Variants in HIPK1 observed in about 807,000 individuals in gnomAD.
The protein encoded by HIPK1 is homeodomain interacting protein kinase 1.
A neutral mutation model predicts 117.1 loss-of-function variants in HIPK1; 28 were observed. The observed-to-expected ratio is 0.24, with a 90% CI of 0.18 to 0.33. HIPK1 has a LOEUF of 0.33. Among genes scored for constraint, HIPK1 ranks in the 10% least tolerant of loss-of-function variants. The pLI is 1.00. For missense variants in HIPK1, 1,122 were observed against 1,475.1 expected, an observed-to-expected ratio of 0.76 and a Z score of 3.92; for synonymous variants, 605 against 562.5, an observed-to-expected ratio of 1.08 and a Z score of -1.07.
chr1:113,952,254 T>C (rs1671418207), intron 2 of HIPK1, among the ~76,000 whole-genome samples: 1 of 130,502 alleles, frequency 7.7e-6, no homozygotes, highest in African/African-American at 3.2e-5. Flanking sequence ...GGCCTTTTAA[T>C]TGATTTTTTT....
chr1:113,968,774 A>C, intron 13 of HIPK1, 126 bp downstream of exon 13: 1 of 736,588 alleles, frequency 1.4e-6, no homozygotes, highest in South Asian at 1.7e-5. Context: ...TAATCCCAGC[A>C]CTTTGGGAGG....
chr1:113,953,905 C>T (rs1671533152), intron 3 of HIPK1: 1 of 152,098 alleles, frequency 6.6e-6, no homozygotes, highest in South Asian at 2.1e-4. Flanking sequence ...AGTGTATCCT[C>T]AGCTCCTAAC....
At chr1:113,967,211 AC>A (rs1225267512) in intron 11 of HIPK1, among the ~76,000 whole-genome samples, 1 of 152,182 alleles carries the variant, frequency 6.6e-6, no homozygotes. Flanking sequence ...TCTTTGATAT[AC>A]TGATTTCCTT....
intron 15 of HIPK1, 78 bp from the exon 16 acceptor site, chr1:113,972,946 C>A (rs904581690): frequency 4.1e-6 from 6 of 1,461,568 alleles, no homozygotes; most frequent in South Asian, 1.4e-5. Context: ...AAGTCAGAAC[C>A]TGAGCTCTTA....
chr1:113,971,581 CAAG>C (rs1240649250), intron 14 of HIPK1, among the ~76,000 whole-genome samples: 2 of 152,064 alleles, frequency 1.3e-5, no homozygotes, highest in Non-Finnish European at 2.9e-5. Context: ...TTGTATATAA[CAAG>C]AGATTATAGT....
chr1:113,970,658 C>G (rs915062428), intron 14 of HIPK1, among the ~76,000 whole-genome samples: 5 of 152,126 alleles, frequency 3.3e-5, no homozygotes, highest in Non-Finnish European at 5.9e-5. Flanking sequence ...GTTTTATTAC[C>G]AACCCAATTA....
Position 113,963,526 on chromosome 1 carries a change from T to C in HIPK1, c.2238+5T>C. 1.2e-6 allele frequency: 2 copies of C among 1,606,074 alleles called. No individual in the cohort carries two copies. The highest frequency in any genetic ancestry group is 1.7e-6 in the Non-Finnish European group (2 of 1,177,480). ...GAACAGACTGCCGCTGTACTGGTAA[T>C]TCCCCTCACTTGATTGTGTTACTAA... On this transcript the variant is annotated splice_donor_5th_base_variant and intron_variant, in intron 10 of 15. Coordinates refer to ENST00000426820, the MANE Select transcript of HIPK1 (RefSeq NM_198268.3).
intron 1 of HIPK1, among the ~76,000 whole-genome samples, chr1:113,939,331 T>TC (rs1491017270): frequency 1.5e-5 from 2 of 137,550 alleles, no homozygotes; most frequent in East Asian, 4.0e-4. Flanking sequence ...TTTTCTGTTT[T>TC]TTTTTTTTTT....
In HIPK1 at chr1:113,946,494, A is replaced by G. The variant is rs1267484036; in HGVS notation, c.1076+5035A>G. Among the ~76,000 whole-genome samples the G allele has an allele frequency of 3.3e-5, 5 of 152,272 alleles. 1 individual carries two copies. The highest frequency in any genetic ancestry group is 1.2e-4 in the African/African-American group (5 of 41,480). On this transcript the variant is annotated intron_variant, in intron 2 of 15. Coordinates refer to ENST00000426820, the MANE Select transcript of HIPK1 (RefSeq NM_198268.3). ...TAATTGGGGCATGTTAATACAAAAT[A>G]AAATGAATTATTTGGCTGCTTAGCT...
chr1:113,945,038 G>A (rs1032715891), intron 2 of HIPK1, among the ~76,000 whole-genome samples: 3 of 151,602 alleles, frequency 2.0e-5, no homozygotes, highest in Non-Finnish European at 4.4e-5. Flanking sequence ...TAGTAGAGAC[G>A]GGGTTTCACT....
chr1:113,942,523 C>T (rs1297150440), intron 2 of HIPK1, among the ~76,000 whole-genome samples: 1 of 152,144 alleles, frequency 6.6e-6, no homozygotes, highest in Non-Finnish European at 1.5e-5. Context: ...ACATTTTCTT[C>T]TGTAGTAGCA....
chr1:113,968,446 T>C lies in HIPK1; in HGVS notation c.2569T>C (p.Ser857Pro). ...KQSAPVSSKS[S>P]LDVLPSQVYS... ...CCATGTGAACTTTTCCTACAGGTCC[T>C]CTCTAGATGTTCTGCCTTCCCAAGT... is the stretch of plus-strand genomic sequence containing the variant. Residue 857 changes from serine (S) to proline (P), a missense_variant, in exon 13 of 16, where the codon TCT (serine) becomes CCT (proline). Ser to Pro is a moderately conservative substitution (Grantham distance 74, BLOSUM62 -1). Coordinates refer to ENST00000426820, the MANE Select transcript of HIPK1 (RefSeq NM_198268.3). 1 of 1,611,938 alleles carries C rather than the reference T, an allele frequency of 6.2e-7. No homozygotes were observed. The highest frequency in any genetic ancestry group is 8.5e-7 in the Non-Finnish European group (1 of 1,177,930).
chr1:113,952,616 T>G (rs1671441238), intron 2 of HIPK1, 150 bp from the exon 3 acceptor site: 2 of 489,630 alleles, frequency 4.1e-6, no homozygotes, highest in Non-Finnish European at 6.5e-6. Flanking sequence ...GCCCTGAGCT[T>G]CAGATGATGG....
Position 113,940,239 on chromosome 1 carries a change from G to A in HIPK1, c.-2-143G>A. 1.5e-5 allele frequency: 12 copies of A among 775,166 alleles called. No individual in the cohort carries two copies. In the South Asian group the frequency reaches 1.9e-4, roughly 12 times the overall value. 48.0% of individuals were successfully genotyped at this position (775,166 alleles called of 1,614,324 possible). A position where few individuals can be genotyped will look rare whatever the true frequency, so the allele number is the denominator to read the frequency against. On this transcript the variant is annotated intron_variant, in intron 1 of 15. Coordinates refer to ENST00000426820, the MANE Select transcript of HIPK1 (RefSeq NM_198268.3). ...GTTTCTATGAATATAGGTCAAGATT[G>A]AATTAGTTTTTGAGAAGAGGAGAAC...
At chr1:113,943,363 T>G (rs188755045) in intron 2 of HIPK1, among the ~76,000 whole-genome samples, 381 of 152,372 alleles carry the variant, frequency 2.5e-3, no homozygotes, top group Non-Finnish European at 4.4e-3. Flanking sequence ...AGATACTGCA[T>G]GTAAGTGGAA....
intron 8 of HIPK1, among the ~76,000 whole-genome samples, chr1:113,960,499 G>T (rs529915202): frequency 1.3e-5 from 2 of 152,244 alleles, no homozygotes; most frequent in South Asian, 4.1e-4. Context: ...CTGTAATTTT[G>T]TCACCTTTCG....
At chr1:113,955,697 G>A in intron 5 of HIPK1, 48 bp downstream of exon 5, 3 of 1,006,194 alleles carry the variant, frequency 3.0e-6, no homozygotes, top group Non-Finnish European at 4.7e-6. Context: ...TTTAATCAGA[G>A]ACACTTCTGT....
At chr1:113,934,714 G>A (rs1670133730) in intron 1 of HIPK1, among the ~76,000 whole-genome samples, 1 of 150,180 alleles carries the variant, frequency 6.7e-6, no homozygotes. Context: ...GGGAGGCCAA[G>A]GCAGGAGGAG....
At chr1:113,969,549 T>C (rs999415187) in intron 13 of HIPK1, among the ~76,000 whole-genome samples, 2 of 152,206 alleles carry the variant, frequency 1.3e-5, no homozygotes, top group Non-Finnish European at 2.9e-5. Flanking sequence ...CTATTATTAT[T>C]ACCATCTTTA....
Sources: allele counts gnomAD v4.1 joint callset (sites outside exome capture counted in the v4.1 genomes callset), GRCh38; gene constraint gnomAD v4.1.1; transcripts MANE v1.5; gene names NCBI Gene and HGNC (gene_info 2026-07-23, HGNC 2026-07-21).